The following GAN variants were observed in gnomAD, a reference collection of about 807,000 sequenced individuals.
GAN encodes the protein gigaxonin, also known as epididymis secretory sperm binding protein.
A neutral mutation model predicts 71.3 loss-of-function variants in GAN; 48 were observed. That is an observed-to-expected ratio of 0.67 (90% CI 0.53 to 0.86). The LOEUF (loss-of-function observed/expected upper bound fraction) is 0.86. Ranked by LOEUF, GAN falls within the 40% of genes least tolerant of loss-of-function variation. GAN has a pLI of 0.00. For missense variants in GAN, 928 were observed against 770.1 expected, an observed-to-expected ratio of 1.21 and a Z score of -2.43; for synonymous variants, 386 against 276.8, an observed-to-expected ratio of 1.39 and a Z score of -3.92.
intron 5 of GAN, among the ~76,000 whole-genome samples, chr16:81,358,684 T>C (rs1910572327): frequency 6.6e-6 from 1 of 152,164 alleles, no homozygotes; most frequent in Non-Finnish European, 1.5e-5. Context: ...CTTAAAGTTA[T>C]TTAGTATGGA....
At chr16:81,321,875 A>G (rs533613615) in intron 1 of GAN, among the ~76,000 whole-genome samples, 5 of 152,284 alleles carry the variant, frequency 3.3e-5, no homozygotes, top group South Asian at 2.1e-4. Context: ...AGCGCTTCCC[A>G]TGGGTTCTCT....
rs1904538214 is a variant in GAN at position 81,390,803 on chromosome 16, G to A, written c.*13207G>A. The A allele has an allele frequency of 2.0e-5, 3 of 152,202 alleles. No homozygotes were observed. The allele number at this position is 152,202 out of a possible 1,614,324, so 9.4% of individuals were successfully genotyped here. A position where few individuals can be genotyped will look rare whatever the true frequency, so the allele number is the denominator to read the frequency against. On this transcript the variant is annotated 3_prime_UTR_variant, in exon 11 of 11. Coordinates refer to ENST00000648994, the MANE Select transcript of GAN (RefSeq NM_022041.4). ...TAACCTAATAAAATAATTTGATGGG[G>A]AAGGCATTCTAATTGTTTCTGATTT... is the stretch of plus-strand genomic sequence containing the variant.
chr16:81,354,496 T>C lies in GAN; in HGVS notation c.374T>C (p.Leu125Ser), dbSNP rs1555511093. 1.2e-6 allele frequency: 2 copies of C among 1,614,152 alleles called. No individual in the cohort carries two copies. The highest frequency in any genetic ancestry group is 1.7e-6 in the Non-Finnish European group (2 of 1,179,968). ...TDLKTLCCEF[L>S]EGCIAAENCI... is the part of the protein sequence containing the mutation. ...CTTAAAACCCTGTGCTGTGAGTTTTTGGAAGGCTGCATTGCTGCTGAGAAC... is the reference window on the plus strand; with the variant it reads ...CTTAAAACCCTGTGCTGTGAGTTTTCGGAAGGCTGCATTGCTGCTGAGAAC... Residue 125 changes from leucine to serine, a missense_variant, in exon 3 of 11, where the codon TTG becomes TCG. By Grantham distance (145) the Leu-to-Ser change is moderately radical. Transcript: ENST00000648994.
Position 81,362,528 on chromosome 16 carries a change from G to C in GAN, c.1003G>C (p.Asp335His). The C allele has an allele frequency of 6.2e-7, 1 of 1,608,354 alleles. No homozygotes were observed. Among genetic ancestry groups the C allele is most frequent in the Non-Finnish European group, 8.5e-7 (1 of 1,174,670 alleles). Reference protein sequence around the residue: ...EGFLFVFGGQDENKQTLSSGE... With the variant: ...EGFLFVFGGQHENKQTLSSGE... The stretch of plus-strand genomic sequence containing the variant: ...ATTTTTGTTTGTATTCGGGGGCCAA[G>C]ATGAAAATAAGCAGACTCTTAGCTC... Residue 335 changes from aspartate to histidine, a missense_variant, in exon 6 of 11, where the codon GAT becomes CAT. Transcript: ENST00000648994.
intron 1 of GAN, among the ~76,000 whole-genome samples, chr16:81,333,329 T>C (rs1045911171): frequency 2.4e-4 from 37 of 152,114 alleles, no homozygotes; most frequent in African/African-American, 8.9e-4. Context: ...CACTTTGAGA[T>C]TATGTAAATA....
chr16:81,390,338 T>C lies in GAN; in HGVS notation c.*12742T>C, dbSNP rs1904525810. On this transcript the variant is annotated 3_prime_UTR_variant, in exon 11 of 11. Coordinates refer to ENST00000648994, the MANE Select transcript of GAN (RefSeq NM_022041.4). ...TTTGTGGAATAATTTTCTGTTCACT[T>C]GCTGATAAGAAATTTAGCAGTCAGA... The C allele has an allele frequency of 6.6e-6, 1 of 152,256 alleles. No homozygotes were observed. Among genetic ancestry groups the C allele is most frequent in the African/African-American group, 2.4e-5 (1 of 41,470 alleles). 9.4% of individuals were successfully genotyped at this position (152,256 alleles called of 1,614,324 possible). A position where few individuals can be genotyped will look rare whatever the true frequency, so the allele number is the denominator to read the frequency against.
intron 1 of GAN, among the ~76,000 whole-genome samples, chr16:81,329,512 T>G (rs1909502605): frequency 6.6e-6 from 1 of 152,206 alleles, no homozygotes. Context: ...CAGTCTCAGC[T>G]CCTGGTTTTT....
Position 81,379,136 on chromosome 16 carries a change from G to C in GAN, c.*1540G>C, listed in dbSNP as rs545819780. 21 of 152,142 alleles carry C rather than the reference G, an allele frequency of 1.4e-4. No homozygotes were observed. Among genetic ancestry groups the C allele is most frequent in the Admixed American group, 1.2e-3 (19 of 15,290 alleles). The allele number at this position is 152,142 out of a possible 1,614,324, so 9.4% of individuals were successfully genotyped here. On this transcript the variant is annotated 3_prime_UTR_variant, in exon 11 of 11. Coordinates refer to ENST00000648994, the MANE Select transcript of GAN (RefSeq NM_022041.4). ...ATCCTTTGGTTTTAAGTCGAGAACA[G>C]GAATTTCTTCTAGAAACTTCCTGTA...
chr16:81,357,914 A>T lies in GAN; in HGVS notation c.956A>T (p.His319Leu). 4.3e-6 allele frequency: 7 copies of T among 1,613,818 alleles called. No homozygotes were observed. The highest frequency in any genetic ancestry group is 5.9e-6 in the Non-Finnish European group (7 of 1,179,776). ...CCTTTAAGCATGCCGAGAATTAACCATGGAGTTCTCTCAGCAGGTACCGTT... is the reference window on the plus strand; with the variant it reads ...CCTTTAAGCATGCCGAGAATTAACCTTGGAGTTCTCTCAGCAGGTACCGTT... ...LAPLSMPRIN[H>L]GVLSAEGFLF... The change falls in exon 5 of 11, where the codon CAT (histidine) becomes CTT (leucine). Residue 319 changes from histidine (H) to leucine (L), a missense_variant. Transcript: ENST00000648994.
At position 81,356,989 on chromosome 16, in the gene GAN, G is replaced by A. The variant is rs1270020554; in HGVS notation, c.838G>A (p.Gly280Arg). The A allele has an allele frequency of 6.2e-7, 1 of 1,602,522 alleles. No individual in the cohort carries two copies. The highest frequency in any genetic ancestry group is 8.5e-7 in the Non-Finnish European group (1 of 1,170,404). The change falls in exon 4 of 11, where the codon GGA becomes AGA. Residue 280 changes from glycine (G) to arginine (R), a missense_variant. Transcript: ENST00000648994. ...GYSECIVTVG[G>R]EERVSRKPTA... ...CTCTGAGTGCATCGTGACTGTTGGT[G>A]GAGAAGAGAGAGTGTAAGTATGAGG...
chr16:81,330,111 A>G (rs1909524346), intron 1 of GAN, among the ~76,000 whole-genome samples: 1 of 152,178 alleles, frequency 6.6e-6, no homozygotes, highest in Non-Finnish European at 1.5e-5. Context: ...CACCATTGCC[A>G]CTGGCCCTGC....
At chr16:81,318,428 G>T (rs1909117175) in intron 1 of GAN, among the ~76,000 whole-genome samples, 1 of 152,188 alleles carries the variant, frequency 6.6e-6, no homozygotes. Flanking sequence ...TGTGAGAGGT[G>T]GAGGCGGGAG....
intron 1 of GAN, among the ~76,000 whole-genome samples, chr16:81,348,136 G>GC (rs1181425333): frequency 6.6e-6 from 1 of 152,154 alleles, no homozygotes; most frequent in Non-Finnish European, 1.5e-5. Context: ...CATGTGCTCA[G>GC]CCATCTGTCA....
chr16:81,346,155 C>G (rs369406454), intron 1 of GAN, among the ~76,000 whole-genome samples: 80 of 152,230 alleles, frequency 5.3e-4, no homozygotes, highest in African/African-American at 1.9e-3. Context: ...AGAGAAACCA[C>G]AGAACAGTTT....
intron 1 of GAN, among the ~76,000 whole-genome samples, chr16:81,343,590 A>G (rs1597396638): frequency 6.6e-6 from 1 of 152,220 alleles, no homozygotes; most frequent in Non-Finnish European, 1.5e-5. Context: ...AAAACTCTCA[A>G]TAAACTAGGT....
At chr16:81,326,683 AC>A (rs949879503) in intron 1 of GAN, among the ~76,000 whole-genome samples, 2 of 152,240 alleles carry the variant, frequency 1.3e-5, no homozygotes, top group African/African-American at 4.8e-5. Flanking sequence ...ATAACCTACT[AC>A]CCACCTAGAC....
At chr16:81,342,473 A>G (rs1909976205) in intron 1 of GAN, among the ~76,000 whole-genome samples, 1 of 152,222 alleles carries the variant, frequency 6.6e-6, no homozygotes, top group Admixed American at 6.5e-5. Context: ...CAGGATTCAG[A>G]CTCTCACTCA....
At chr16:81,363,652 C>T in intron 6 of GAN, 142 bp from the exon 7 acceptor site, 1 of 797,924 alleles carries the variant, frequency 1.3e-6, no homozygotes, top group Non-Finnish European at 2.2e-6. Context: ...CCTTGCTCCT[C>T]TCCCTGTCTC....
At position 81,365,445 on chromosome 16, in the gene GAN, G is replaced by T. The variant is rs1910822971; in HGVS notation, c.1469G>T (p.Cys490Phe). ...GCCCAGGGTAGCGAGATGGTAACTT[G>T]CAAGTCCGAGTTCTACCATGATGAG... is the stretch of plus-strand genomic sequence containing the variant. Reference protein sequence around the residue: ...EDAQGSEMVTCKSEFYHDEFK... With the variant: ...EDAQGSEMVTFKSEFYHDEFK... The change falls in exon 9 of 11, where the codon TGC becomes TTC. Residue 490 changes from cysteine (C) to phenylalanine (F), a missense_variant. Coordinates refer to ENST00000648994, the MANE Select transcript of GAN (RefSeq NM_022041.4). The T allele has an allele frequency of 6.2e-7, 1 of 1,613,602 alleles. No individual in the cohort carries two copies. The highest frequency in any genetic ancestry group is 1.3e-5 in the African/African-American group (1 of 74,754).
Sources: allele counts gnomAD v4.1 joint callset (sites outside exome capture counted in the v4.1 genomes callset), GRCh38; gene constraint gnomAD v4.1.1; transcripts MANE v1.5; gene names NCBI Gene and HGNC (gene_info 2026-07-23, HGNC 2026-07-21).